GPHN: variants seen among roughly 807,000 people sequenced by gnomAD.
GPHN encodes the protein gephyrin.
A neutral mutation model predicts 95.5 loss-of-function variants in GPHN; 17 were observed. That is an observed-to-expected ratio of 0.18 (90% CI 0.12 to 0.27). The LOEUF (loss-of-function observed/expected upper bound fraction) is 0.27. GPHN is among the 10% of genes least tolerant of loss of function. The pLI, the probability that GPHN is intolerant of heterozygous loss-of-function variation, is 1.00. For missense variants in GPHN, 660 were observed against 978.1 expected (o/e 0.67, Z 4.34); for synonymous variants, 320 against 322.5 (o/e 0.99, Z 0.08).
chr14:67,435,867 A>G, the GPHN span, among the ~76,000 whole-genome samples: 1 of 152,190 alleles, frequency 6.6e-6, no homozygotes, highest in African/African-American at 2.4e-5. Context: ...TGTCCTTAGG[A>G]CAGTTCACTG....
At chr14:67,611,607 T>C in the GPHN span, among the ~76,000 whole-genome samples, 1 of 152,154 alleles carries the variant, frequency 6.6e-6, no homozygotes, top group Non-Finnish European at 1.5e-5. Context: ...ACTGAGTTCT[T>C]TCCCTACTTT....
At position 66,605,779 on chromosome 14, in the gene GPHN, G is replaced by A. The variant is rs141629456; in HGVS notation, c.65-75328G>A. Reference sequence around the variant, plus strand: ...GATCTCCTGACCTCTTGATCTGCCCGCCTCGGCCTCCCAAAGTGCTGGGAT... The same window carrying A: ...GATCTCCTGACCTCTTGATCTGCCCACCTCGGCCTCCCAAAGTGCTGGGAT... On this transcript the variant is annotated intron_variant, in intron 1 of 22. Coordinates refer to ENST00000478722, the MANE Select transcript of GPHN (RefSeq NM_020806.5). 3.9e-5 allele frequency among the ~76,000 whole-genome samples: 6 copies of A among 152,024 alleles called. No homozygotes were observed. The East Asian group carries it at 1.2e-3, about 29-fold the overall frequency.
chr14:67,090,258 A>G (rs1845235953), intron 12 of GPHN, among the ~76,000 whole-genome samples: 1 of 151,994 alleles, frequency 6.6e-6, no homozygotes, highest in Non-Finnish European at 1.5e-5. Flanking sequence ...TTTTTTAGCT[A>G]CATTTAGCCA....
intron 8 of GPHN, among the ~76,000 whole-genome samples, chr14:66,939,007 T>C (rs949833550): frequency 6.6e-6 from 1 of 152,190 alleles, no homozygotes; most frequent in African/African-American, 2.4e-5. Context: ...AAGAATTAAT[T>C]TGAACTTTTA....
At chr14:67,185,428 A>G (rs2083363866), downstream of GPHN, among the ~76,000 whole-genome samples, 1 of 152,348 alleles carries the variant, frequency 6.6e-6, no homozygotes, top group Non-Finnish European at 1.5e-5. Context: ...AGTTCAACAA[A>G]ATATTTCTAC....
At chr14:67,029,768 G>T (rs2153630019) in intron 10 of GPHN, among the ~76,000 whole-genome samples, 1 of 152,248 alleles carries the variant, frequency 6.6e-6, no homozygotes, top group South Asian at 2.1e-4. Flanking sequence ...CAGATAATTT[G>T]GCTGCCACCT....
At chr14:67,358,396 G>C in the GPHN span, among the ~76,000 whole-genome samples, 1 of 152,136 alleles carries the variant, frequency 6.6e-6, no homozygotes, top group East Asian at 1.9e-4. Flanking sequence ...CTTCAGGTTT[G>C]AATATAACTT....
At chr14:66,846,878 C>T (rs2062361771) in intron 4 of GPHN, among the ~76,000 whole-genome samples, 1 of 152,098 alleles carries the variant, frequency 6.6e-6, no homozygotes, top group Admixed American at 6.6e-5. Context: ...CGAAGTACAA[C>T]TCTTATACCA....
At chr14:66,533,981 T>G (rs564301486) in intron 1 of GPHN, among the ~76,000 whole-genome samples, 2 of 152,312 alleles carry the variant, frequency 1.3e-5, no homozygotes, top group Admixed American at 1.3e-4. Flanking sequence ...TATTTGAGCT[T>G]ACGTATCTAA....
At chr14:66,968,451 T>C (rs1417398912) in intron 9 of GPHN, among the ~76,000 whole-genome samples, 11 of 152,154 alleles carry the variant, frequency 7.2e-5, no homozygotes, top group Admixed American at 6.5e-4. Context: ...ATATTAGTGT[T>C]AGCCAAATCC....
chr14:66,740,872 C>G (rs1385698579), intron 2 of GPHN, among the ~76,000 whole-genome samples: 1 of 152,124 alleles, frequency 6.6e-6, no homozygotes, highest in Non-Finnish European at 1.5e-5. Context: ...GCTGTTATAA[C>G]AGAATACCAG....
At chr14:67,349,920 G>GTCATT in the GPHN span, among the ~76,000 whole-genome samples, 2 of 152,190 alleles carry the variant, frequency 1.3e-5, no homozygotes, top group African/African-American at 4.8e-5. Context: ...TAGGCATCAT[G>GTCATT]TCATTAGGAA....
chr14:66,941,234 C>A (rs775944518), intron 8 of GPHN, among the ~76,000 whole-genome samples: 2 of 146,604 alleles, frequency 1.4e-5, no homozygotes, highest in African/African-American at 2.7e-5. Flanking sequence ...CATAATTTCT[C>A]TCTCTCCAGT....
Position 66,599,105 on chromosome 14 carries a change from T to C in GPHN, c.65-82002T>C, listed in dbSNP as rs1347192113. 2.6e-5 allele frequency among the ~76,000 whole-genome samples: 4 copies of C among 152,116 alleles called. No individual in the cohort carries two copies. In the South Asian group the frequency reaches 6.2e-4, roughly 24 times the overall value. On this transcript the variant is annotated intron_variant, in intron 1 of 22. Coordinates refer to ENST00000478722, the MANE Select transcript of GPHN (RefSeq NM_020806.5). ...CCTAGACAAATTTTATGCATTTTTT[T>C]CCATACTTGAAAGAAACTTTTTATT...
chr14:67,535,370 CTTTTTTTTTTTTTTTTTT>C, the GPHN span, among the ~76,000 whole-genome samples: 1 of 74,192 alleles, frequency 1.3e-5, no homozygotes, highest in South Asian at 6.6e-4. Flanking sequence ...GTGAGCACAT[CTTTTTTTTTTTTTTTTTT>C]TTTTTTTTTT....
At chr14:66,687,261 C>G (rs1230968073) in intron 2 of GPHN, among the ~76,000 whole-genome samples, 1 of 152,044 alleles carries the variant, frequency 6.6e-6, no homozygotes, top group Non-Finnish European at 1.5e-5. Context: ...CCAAGAAGAC[C>G]TAATAGACAT....
At chr14:67,014,245 T>C (rs2073175211) in intron 9 of GPHN, among the ~76,000 whole-genome samples, 1 of 152,024 alleles carries the variant, frequency 6.6e-6, no homozygotes, top group African/African-American at 2.4e-5. Flanking sequence ...TACATGTATC[T>C]CTAAGCAAGC....
chr14:67,404,209 C>T, the GPHN span, among the ~76,000 whole-genome samples: 1 of 152,150 alleles, frequency 6.6e-6, no homozygotes, highest in African/African-American at 2.4e-5. Context: ...GAATTCCAAT[C>T]CTAAGAGATG....
At chr14:66,721,148 T>C (rs946736200) in intron 2 of GPHN, among the ~76,000 whole-genome samples, 1 of 152,226 alleles carries the variant, frequency 6.6e-6, no homozygotes. Flanking sequence ...CTTAAAGTTA[T>C]CAGAAACCTT....
Sources: gnomAD v4.1 joint callset for allele counts (sites outside exome capture counted in the v4.1 genomes callset) on GRCh38, gnomAD v4.1.1 for gene constraint, MANE v1.5 for transcripts, NCBI Gene and HGNC (gene_info 2026-07-23, HGNC 2026-07-21) for gene names.